The following CNTNAP2 variants were observed in gnomAD, a reference collection of about 807,000 sequenced individuals.
CNTNAP2 encodes the protein contactin associated protein 2, also known as contactin-associated protein-like 2.
In CNTNAP2, 98 loss-of-function variants were observed where a neutral mutation model predicts 155.2. That is an observed-to-expected ratio of 0.63 (90% confidence interval 0.54 to 0.75). The LOEUF (loss-of-function observed/expected upper bound fraction) is 0.75. Ranked by LOEUF, CNTNAP2 falls within the 30% of genes least tolerant of loss-of-function variation. The pLI, the probability that CNTNAP2 is intolerant of heterozygous loss-of-function variation, is 0.00. For missense variants in CNTNAP2, 1,727 were observed against 1,688.1 expected (o/e 1.02, Z -0.40); for synonymous variants, 651 against 631.2 (o/e 1.03, Z -0.47).
At chr7:146,985,216 CA>C (rs1250306358) in intron 3 of CNTNAP2, among the ~76,000 whole-genome samples, 1 of 151,712 alleles carries the variant, frequency 6.6e-6, no homozygotes, top group African/African-American at 2.4e-5. Context: ...CGTGAAACTC[CA>C]GTTCATTACA....
chr7:146,762,331 TG>T lies in CNTNAP2; in HGVS notation c.98-11938del, dbSNP rs144754436. On this transcript the variant is annotated intron_variant, in intron 1 of 23. Transcript: ENST00000361727. Reference sequence around the variant, plus strand: ...CCTAAGAATCCCTGGCCAGGTGTGGTGGCTCACACCTGTAATCCCAGCACTT... The same window carrying T: ...CCTAAGAATCCCTGGCCAGGTGTGGTGCTCACACCTGTAATCCCAGCACTT... 2.8e-3 allele frequency among the ~76,000 whole-genome samples: 429 copies of T among 152,284 alleles called. 4 individuals are homozygous for T. The highest frequency in any genetic ancestry group is 9.8e-3 in the African/African-American group (406 of 41,572).
chr7:147,076,399 T>C (rs554215909), intron 4 of CNTNAP2, among the ~76,000 whole-genome samples: 2 of 152,320 alleles, frequency 1.3e-5, no homozygotes, highest in African/African-American at 4.8e-5. Flanking sequence ...TGAGCATTTT[T>C]TCATGTGTCT....
chr7:146,395,827 G>GTAA (rs1795617094), intron 1 of CNTNAP2, among the ~76,000 whole-genome samples: 1 of 70,852 alleles, frequency 1.4e-5, no homozygotes, highest in Admixed American at 1.5e-4. Flanking sequence ...ATAGATAGAG[G>GTAA]AGAGAGAGAG....
Position 148,278,569 on chromosome 7 carries a change from C to CAAAAAAAA in CNTNAP2, c.3475+11455_3475+11462dup. ...TGGGCAACAGAGTGAGACTACATCT[C>CAAAAAAAA]AAAAAAAAAAAAAAAAAAAGCCTGA... On this transcript the variant is annotated intron_variant, in intron 21 of 23. Coordinates refer to ENST00000361727, the MANE Select transcript of CNTNAP2 (RefSeq NM_014141.6). 1.7e-5 allele frequency among the ~76,000 whole-genome samples: 2 copies of CAAAAAAAA among 116,630 alleles called. 1 individual carries two copies. 76.5% of individuals were successfully genotyped at this position (116,630 alleles called of 152,430 possible).
intron 4 of CNTNAP2, among the ~76,000 whole-genome samples, chr7:147,075,063 G>C (rs887514458): frequency 1.3e-5 from 2 of 152,150 alleles, no homozygotes; most frequent in Non-Finnish European, 2.9e-5. Context: ...GTTATTCTCT[G>C]ATTGTTGAAT....
intron 8 of CNTNAP2, among the ~76,000 whole-genome samples, chr7:147,296,418 G>C (rs745834592): frequency 1.3e-5 from 2 of 152,176 alleles, no homozygotes; most frequent in Non-Finnish European, 2.9e-5. Context: ...TTGACTGACA[G>C]TTAACTTCAA....
chr7:146,975,590 C>T (rs574090518), intron 3 of CNTNAP2, among the ~76,000 whole-genome samples: 6 of 152,216 alleles, frequency 3.9e-5, no homozygotes, highest in African/African-American at 9.6e-5. Flanking sequence ...TAATCAGGGT[C>T]CTTAACTGAA....
chr7:146,343,156 T>G (rs1794761085), intron 1 of CNTNAP2, among the ~76,000 whole-genome samples: 1 of 152,198 alleles, frequency 6.6e-6, no homozygotes, highest in Non-Finnish European at 1.5e-5. Context: ...TCTAATAGAT[T>G]ATTTCTTCTG....
chr7:146,988,141 T>A (rs1798147135), intron 3 of CNTNAP2, among the ~76,000 whole-genome samples: 1 of 152,132 alleles, frequency 6.6e-6, no homozygotes, highest in South Asian at 2.1e-4. Flanking sequence ...TACTTTCTAA[T>A]GCACATGCTG....
At chr7:146,623,285 G>A (rs756661508) in intron 1 of CNTNAP2, among the ~76,000 whole-genome samples, 4 of 151,960 alleles carry the variant, frequency 2.6e-5, no homozygotes, top group African/African-American at 9.7e-5. Flanking sequence ...TCCTGCATAC[G>A]TTTTAAAGCG....
At chr7:146,656,109 C>T (rs1339755190) in intron 1 of CNTNAP2, among the ~76,000 whole-genome samples, 4 of 152,284 alleles carry the variant, frequency 2.6e-5, no homozygotes, top group Admixed American at 6.5e-5. Flanking sequence ...AGAGTAAAAC[C>T]GCAACCCGGT....
intron 9 of CNTNAP2, among the ~76,000 whole-genome samples, chr7:147,332,838 G>A (rs1220981046): frequency 6.6e-6 from 1 of 152,068 alleles, no homozygotes; most frequent in Non-Finnish European, 1.5e-5. Context: ...CTCCATCCTG[G>A]ATGACAGAAT....
At chr7:147,927,308 T>C (rs927609861) in intron 14 of CNTNAP2, among the ~76,000 whole-genome samples, 2 of 152,236 alleles carry the variant, frequency 1.3e-5, no homozygotes, top group Admixed American at 6.5e-5. Flanking sequence ...TTATGCCATA[T>C]TGAGAAAAAC....
chr7:147,761,485 C>T lies in CNTNAP2; in HGVS notation c.2098+122179C>T, dbSNP rs1797297442. Among the ~76,000 whole-genome samples, 4 of 152,280 alleles carry T rather than the reference C, an allele frequency of 2.6e-5. No individual in the cohort carries two copies. In the South Asian group the frequency reaches 8.3e-4, roughly 32 times the overall value. ...CCGAAGTGCCTGTTTCTGTATATTC[C>T]TCCTGTACATCCTCCTGTGCTTCAA... On this transcript the variant is annotated intron_variant, in intron 13 of 23. Transcript: ENST00000361727.
chr7:147,450,000 CA>C (rs556759134), intron 10 of CNTNAP2, among the ~76,000 whole-genome samples: 1 of 152,228 alleles, frequency 6.6e-6, no homozygotes, highest in African/African-American at 2.4e-5. Context: ...CTGTGGTAGG[CA>C]AAAATTTGTA....
intron 9 of CNTNAP2, among the ~76,000 whole-genome samples, chr7:147,368,825 T>A: frequency 6.6e-6 from 1 of 152,242 alleles, no homozygotes. Flanking sequence ...TTCTCACAAC[T>A]CATTCAGTGT....
intron 1 of CNTNAP2, among the ~76,000 whole-genome samples, chr7:146,763,688 T>C (rs1802144510): frequency 6.6e-6 from 1 of 152,214 alleles, no homozygotes; most frequent in Admixed American, 6.5e-5. Context: ...TAGCAATCAG[T>C]ACAGTACCAT....
At chr7:146,247,542 C>A (rs1563006757) in intron 1 of CNTNAP2, among the ~76,000 whole-genome samples, 1 of 152,092 alleles carries the variant, frequency 6.6e-6, no homozygotes, top group Non-Finnish European at 1.5e-5. Context: ...GGATGAGTTA[C>A]ATTGGGAACA....
intron 8 of CNTNAP2, among the ~76,000 whole-genome samples, chr7:147,183,526 G>A (rs146057855): frequency 2.0e-5 from 3 of 152,038 alleles, no homozygotes; most frequent in African/African-American, 4.8e-5. Flanking sequence ...GCATGCCAGA[G>A]CTATTCATTG....
Sources: allele counts gnomAD v4.1 joint callset (sites outside exome capture counted in the v4.1 genomes callset), GRCh38; gene constraint gnomAD v4.1.1; transcripts MANE v1.5; gene names NCBI Gene and HGNC (gene_info 2026-07-23, HGNC 2026-07-21).